ADGRL2: variants seen among roughly 807,000 people sequenced by gnomAD.
ADGRL2 encodes the protein calcium-independent alpha-latrotoxin receptor 2.
A neutral mutation model predicts 157.4 loss-of-function variants in ADGRL2; 44 were observed. That is an observed-to-expected ratio of 0.28 (90% CI 0.22 to 0.36). The LOEUF (loss-of-function observed/expected upper bound fraction) is 0.36, where lower values mean the gene tolerates loss of function less well. ADGRL2 is among the 10% of genes least tolerant of loss of function. The pLI is 1.00. For missense variants in ADGRL2, 1,510 were observed against 1,768.9 expected, an observed-to-expected ratio of 0.85 and a Z score of 2.63; for synonymous variants, 585 against 624.7, an observed-to-expected ratio of 0.94 and a Z score of 0.95.
intron 17 of ADGRL2, among the ~76,000 whole-genome samples, chr1:81,977,266 A>G (rs1053255572): frequency 6.6e-6 from 1 of 151,850 alleles, no homozygotes; most frequent in African/African-American, 2.4e-5. Context: ...AATGTATTGT[A>G]TGTGTAACTA....
intron 2 of ADGRL2, among the ~76,000 whole-genome samples, chr1:81,459,833 C>CAAACACATACATATATATAT (rs1557704572): frequency 4.1e-5 from 5 of 120,638 alleles, no homozygotes; most frequent in South Asian, 5.1e-4. Flanking sequence ...TATATATATA[C>CAAACACATACATATATATAT]ACACACACAC....
At chr1:81,901,271 G>A (rs555330573) in intron 2 of ADGRL2, among the ~76,000 whole-genome samples, 4 of 152,112 alleles carry the variant, frequency 2.6e-5, no homozygotes, top group Middle Eastern at 3.4e-3. Flanking sequence ...CTATCTTGGA[G>A]AATTAAGAGG....
intron 1 of ADGRL2, among the ~76,000 whole-genome samples, chr1:81,389,268 G>A (rs2076492972): frequency 6.6e-6 from 1 of 152,042 alleles, no homozygotes; most frequent in South Asian, 2.1e-4. Context: ...TGTAAACAAT[G>A]GAGACAATGT....
At chr1:81,349,868 T>A (rs1478411795) in intron 1 of ADGRL2, among the ~76,000 whole-genome samples, 1 of 151,744 alleles carries the variant, frequency 6.6e-6, no homozygotes, top group African/African-American at 2.4e-5. Flanking sequence ...GGAAAAAAAA[T>A]CAAACAACAA....
At chr1:81,898,198 G>A (rs2094427941) in intron 2 of ADGRL2, among the ~76,000 whole-genome samples, 2 of 152,158 alleles carry the variant, frequency 1.3e-5, no homozygotes, top group Non-Finnish European at 2.9e-5. Context: ...TGATGATTGT[G>A]TAGTTATATG....
intron 3 of ADGRL2, among the ~76,000 whole-genome samples, chr1:81,914,722 C>G (rs534066261): frequency 6.6e-6 from 1 of 152,262 alleles, no homozygotes; most frequent in East Asian, 1.9e-4. Context: ...TTCTCTCACT[C>G]GTGGCCTAGT....
chr1:81,407,635 G>A (rs907833601), intron 1 of ADGRL2, among the ~76,000 whole-genome samples: 12 of 152,212 alleles, frequency 7.9e-5, no homozygotes, highest in Non-Finnish European at 1.3e-4. Flanking sequence ...TAGGAGAGAT[G>A]CATTCTCATG....
At chr1:81,634,384 C>A (rs527701613) in intron 3 of ADGRL2, among the ~76,000 whole-genome samples, 49 of 152,154 alleles carry the variant, frequency 3.2e-4, no homozygotes, top group African/African-American at 1.2e-3. Context: ...CAATGGCTAC[C>A]CATTGCAAGT....
At chr1:81,705,755 A>G (rs192618475) in intron 1 of ADGRL2, among the ~76,000 whole-genome samples, 1 of 151,734 alleles carries the variant, frequency 6.6e-6, no homozygotes, top group Admixed American at 6.6e-5. Context: ...CCGCTATAAA[A>G]AATTTAAAAG....
intron 1 of ADGRL2, among the ~76,000 whole-genome samples, chr1:81,824,201 T>A (rs963663444): frequency 2.6e-5 from 4 of 152,264 alleles, no homozygotes; most frequent in Non-Finnish European, 2.9e-5. Flanking sequence ...ACCCAAAAAA[T>A]TTTTTAGGCT....
At chr1:81,780,855 T>C (rs760060856) in intron 2 of ADGRL2, among the ~76,000 whole-genome samples, 104 of 151,356 alleles carry the variant, frequency 6.9e-4, no homozygotes, top group Non-Finnish European at 1.2e-3. Context: ...TTGCAGGCTA[T>C]GTCCCCCCAC....
intron 1 of ADGRL2, among the ~76,000 whole-genome samples, chr1:81,801,497 C>G (rs2088130464): frequency 6.6e-6 from 1 of 152,216 alleles, no homozygotes. Context: ...GGGAGCTTAC[C>G]AGAGAATTCC....
intron 1 of ADGRL2, among the ~76,000 whole-genome samples, chr1:81,390,514 C>T (rs866828529): frequency 6.6e-6 from 1 of 152,312 alleles, no homozygotes; most frequent in African/African-American, 2.4e-5. Flanking sequence ...ATGATTCATG[C>T]TTATGACAGG....
intron 2 of ADGRL2, among the ~76,000 whole-genome samples, chr1:81,901,793 G>T (rs1393394079): frequency 6.6e-6 from 1 of 152,126 alleles, no homozygotes; most frequent in Non-Finnish European, 1.5e-5. Flanking sequence ...ATTGTTGGTG[G>T]AAGAGGTTGA....
intron 2 of ADGRL2, among the ~76,000 whole-genome samples, chr1:81,491,738 C>T (rs575801623): frequency 2.0e-5 from 3 of 152,158 alleles, no homozygotes; most frequent in Non-Finnish European, 4.4e-5. Context: ...ACAATTTCTA[C>T]GGTGGTGGGT....
In ADGRL2 at chr1:81,508,260, A is replaced by G. The variant is rs145917682; in HGVS notation, c.-248+63171A>G. ...TTTTGTCTGACTTCTCGATGCATGCATGTTCTACCTTCACTTTCTATCTTA... is the reference window on the plus strand; with the variant it reads ...TTTTGTCTGACTTCTCGATGCATGCGTGTTCTACCTTCACTTTCTATCTTA... On this transcript the variant is annotated intron_variant, in intron 2 of 24. Transcript: ENST00000370721. 9.7e-3 allele frequency among the ~76,000 whole-genome samples: 1,478 copies of G among 152,328 alleles called. 7 individuals are homozygous for G. The highest frequency in any genetic ancestry group is 0.015 in the Admixed American group (234 of 15,306).
At chr1:81,916,025 C>A (rs780748943) in intron 3 of ADGRL2, among the ~76,000 whole-genome samples, 1 of 152,048 alleles carries the variant, frequency 6.6e-6, no homozygotes, top group African/African-American at 2.4e-5. Flanking sequence ...ACTAAAACAT[C>A]GGTTTCTATT....
intron 3 of ADGRL2, among the ~76,000 whole-genome samples, chr1:81,582,243 A>G (rs1377445713): frequency 1.3e-5 from 2 of 152,062 alleles, no homozygotes; most frequent in African/African-American, 4.8e-5. Flanking sequence ...TTTTTAGTTA[A>G]AAATATGTTA....
chr1:81,705,247 G>A (rs2083695338), intron 1 of ADGRL2, among the ~76,000 whole-genome samples: 1 of 152,012 alleles, frequency 6.6e-6, no homozygotes, highest in Admixed American at 6.5e-5. Context: ...TGGCCAGGCT[G>A]GTCTTGAACT....
Sources: gnomAD v4.1 joint callset for allele counts (sites outside exome capture counted in the v4.1 genomes callset) on GRCh38, gnomAD v4.1.1 for gene constraint, MANE v1.5 for transcripts, NCBI Gene and HGNC (gene_info 2026-07-23, HGNC 2026-07-21) for gene names.